CHD7: variants seen among roughly 807,000 people sequenced by gnomAD.
The protein encoded by CHD7 is chromodomain helicase DNA binding protein 7, also known as ATP-dependent chromatin remodeler CHD7.
A neutral mutation model predicts 307.3 loss-of-function variants in CHD7; 24 were observed. That is an observed-to-expected ratio of 0.08 (90% CI 0.06 to 0.11). CHD7 has a LOEUF of 0.11. Ranked by LOEUF, CHD7 falls within the 10% of genes least tolerant of loss-of-function variation. The pLI is 1.00. For synonymous variants in CHD7, 1,363 were observed against 1,349.9 expected, an observed-to-expected ratio of 1.01 and a Z score of -0.21; for missense variants, 3,106 against 3,727.1, an observed-to-expected ratio of 0.83 and a Z score of 4.34.
At position 60,742,973 on chromosome 8, in the gene CHD7, GTCC is replaced by G. The variant is rs746859882; in HGVS notation, c.1545_1547del (p.Pro516del). On this transcript the variant is annotated inframe_deletion, in exon 2 of 38. Coordinates refer to ENST00000423902, the MANE Select transcript of CHD7 (RefSeq NM_017780.4). Reference sequence around the variant, plus strand: ...CCATCTTTTCAGCAGTTGCCAACCTGTCCTCCACTGCAGCCTCACCCGGGCTTG... The same window carrying G: ...CCATCTTTTCAGCAGTTGCCAACCTGTCCACTGCAGCCTCACCCGGGCTTG... 12 of 1,613,452 alleles carry G rather than the reference GTCC, an allele frequency of 7.4e-6. No homozygotes were observed. The highest frequency in any genetic ancestry group is 1.3e-5 in the African/African-American group (1 of 74,866).
intron 15 of CHD7, among the ~76,000 whole-genome samples, chr8:60,832,027 G>GT (rs201171967): frequency 1.5e-4 from 22 of 150,868 alleles, no homozygotes; most frequent in African/African-American, 4.4e-4. Flanking sequence ...TATATACACA[G>GT]TTTTTTTTTC....
At chr8:60,710,076 CTT>C (rs1210056051) in intron 1 of CHD7, among the ~76,000 whole-genome samples, 2 of 143,810 alleles carry the variant, frequency 1.4e-5, no homozygotes, top group Admixed American at 1.4e-4. Flanking sequence ...CCCAATGTCA[CTT>C]TTTTTTTTTT....
chr8:60,738,054 C>T (rs1808796202), intron 1 of CHD7, among the ~76,000 whole-genome samples: 1 of 152,166 alleles, frequency 6.6e-6, no homozygotes, highest in South Asian at 2.1e-4. Flanking sequence ...GTTTATTACC[C>T]AGGTGATAAT....
intron 3 of CHD7, among the ~76,000 whole-genome samples, chr8:60,786,586 T>C (rs1356831986): frequency 6.6e-6 from 1 of 152,054 alleles, no homozygotes; most frequent in African/African-American, 2.4e-5. Flanking sequence ...AGTTCAGGTG[T>C]AAGGAGGCCG....
intron 2 of CHD7, among the ~76,000 whole-genome samples, chr8:60,777,645 G>A (rs1417237906): frequency 6.6e-6 from 1 of 152,040 alleles, no homozygotes; most frequent in African/African-American, 2.4e-5. Context: ...TTTTATATAC[G>A]ATAATTTAGT....
intron 3 of CHD7, among the ~76,000 whole-genome samples, chr8:60,781,919 A>G (rs1343676990): frequency 1.3e-5 from 2 of 152,210 alleles, no homozygotes; most frequent in Non-Finnish European, 2.9e-5. Flanking sequence ...CCTAGTGAGC[A>G]GCGCAAGAGA....
chr8:60,741,138 G>A, intron 1 of CHD7, 121 bp from the exon 2 acceptor site: 2 of 414,702 alleles, frequency 4.8e-6, no homozygotes, highest in South Asian at 8.2e-5. Context: ...CAGCGAGGGA[G>A]CTAGATTCGT....
At chr8:60,822,424 T>C (rs1305665160) in intron 11 of CHD7, 79 bp from the exon 12 acceptor site, 2 of 1,367,336 alleles carry the variant, frequency 1.5e-6, no homozygotes, top group African/African-American at 2.9e-5. Context: ...GTGGGTACAA[T>C]GGTATATATT....
In CHD7 at chr8:60,852,891, T is replaced by C; in HGVS notation, c.6166T>C (p.Tyr2056His). ...AGAGGAGCGAGCCTCTCGAACTCTGTACCGCATTGAGCTGCTACGGAAGAT... is the reference window on the plus strand; with the variant it reads ...AGAGGAGCGAGCCTCTCGAACTCTGCACCGCATTGAGCTGCTACGGAAGAT... Reference protein sequence around the residue: ...ITEERASRTLYRIELLRKIRE... With the variant: ...ITEERASRTLHRIELLRKIRE... Residue 2056 changes from tyrosine to histidine, a missense_variant, in exon 31 of 38, where the codon TAC becomes CAC. By Grantham distance (83) the Tyr-to-His change is moderately conservative. This residue lies in a region of CHD7 where 1,030 missense variants were observed against 1,165.4 expected (regional missense o/e 0.88). Coordinates refer to ENST00000423902, the MANE Select transcript of CHD7 (RefSeq NM_017780.4). 6.2e-7 allele frequency: 1 copy of C among 1,614,010 alleles called. No homozygotes were observed. The highest frequency in any genetic ancestry group is 8.5e-7 in the Non-Finnish European group (1 of 1,179,892).
chr8:60,844,008 T>A (rs1805085453), intron 21 of CHD7, among the ~76,000 whole-genome samples: 1 of 152,196 alleles, frequency 6.6e-6, no homozygotes, highest in African/African-American at 2.4e-5. Context: ...CAACTCTCAG[T>A]CTGCAGCAGA....
intron 34 of CHD7, among the ~76,000 whole-genome samples, 179 bp from the exon 35 acceptor site, chr8:60,860,725 G>A (rs1805930779): frequency 6.6e-6 from 1 of 152,186 alleles, no homozygotes. Context: ...GTGAGCCACC[G>A]CGCCCAGCCT....
In CHD7 at chr8:60,821,875, A is replaced by G; in HGVS notation, c.2783A>G (p.Lys928Arg). 1 of 1,609,330 alleles carries G rather than the reference A, an allele frequency of 6.2e-7. No homozygotes were observed. Among genetic ancestry groups the G allele is most frequent in the South Asian group, 1.1e-5 (1 of 90,126 alleles). ...CGGAGGCAGGACATAGATCAAGCAA[A>G]GATCGAGGAGTTTGAGAAACTAATG... ...WERRQDIDQAKIEEFEKLMSR... is the reference protein window; with the variant it reads ...WERRQDIDQARIEEFEKLMSR... Residue 928 changes from lysine to arginine, a missense_variant, in exon 10 of 38, where the codon AAG (lysine) becomes AGG (arginine). Lys to Arg is a conservative substitution (Grantham distance 26). Transcript: ENST00000423902.
intron 6 of CHD7, among the ~76,000 whole-genome samples, chr8:60,807,985 G>A (rs1338543379): frequency 6.6e-6 from 1 of 152,234 alleles, no homozygotes; most frequent in Non-Finnish European, 1.5e-5. Flanking sequence ...GAGTTAAAGT[G>A]ATTCATGTCT....
At chr8:60,721,250 A>G (rs148728506) in intron 1 of CHD7, among the ~76,000 whole-genome samples, 94 of 152,346 alleles carry the variant, frequency 6.2e-4, no homozygotes, top group African/African-American at 2.1e-3. Flanking sequence ...GTCATAAGGT[A>G]GGATCCTGAT....
chr8:60,815,683 A>G (rs1484214416), intron 7 of CHD7, among the ~76,000 whole-genome samples: 2 of 152,230 alleles, frequency 1.3e-5, no homozygotes, highest in Middle Eastern at 3.2e-3. Context: ...AGCAAGGGAA[A>G]CATTCACAGG....
At chr8:60,835,725 A>C (rs1395121563) in intron 15 of CHD7, among the ~76,000 whole-genome samples, 5 of 152,212 alleles carry the variant, frequency 3.3e-5, no homozygotes, top group Admixed American at 3.3e-4. Context: ...TTAGCAATTT[A>C]GGTTCCAAAT....
chr8:60,721,681 C>T (rs1163843539), intron 1 of CHD7, among the ~76,000 whole-genome samples: 7 of 152,186 alleles, frequency 4.6e-5, no homozygotes, highest in Admixed American at 1.3e-4. Context: ...AGTTCCCCAG[C>T]GGTGCTGATG....
At chr8:60,722,719 G>T (rs1449593445) in intron 1 of CHD7, among the ~76,000 whole-genome samples, 1 of 152,110 alleles carries the variant, frequency 6.6e-6, no homozygotes, top group Non-Finnish European at 1.5e-5. Flanking sequence ...TCTCTTTAAT[G>T]CCTGGTTTGA....
chr8:60,689,303 A>T (rs1421410116), intron 1 of CHD7, among the ~76,000 whole-genome samples: 1 of 152,260 alleles, frequency 6.6e-6, no homozygotes, highest in Non-Finnish European at 1.5e-5. Flanking sequence ...CAAGGGGTTG[A>T]TGTCAGTAGC....
Sources: allele counts gnomAD v4.1 joint callset (sites outside exome capture counted in the v4.1 genomes callset), GRCh38; gene constraint gnomAD v4.1.1; regional missense constraint gnomAD v4.1.1; transcripts MANE v1.5; gene names NCBI Gene and HGNC (gene_info 2026-07-23, HGNC 2026-07-21).